RALYL: variants seen among roughly 807,000 people sequenced by gnomAD.
The protein encoded by RALYL is RALY RNA binding protein like.
RALYL carries 29 observed loss-of-function variants against 35.1 expected under a neutral mutation model. That is an observed-to-expected ratio of 0.83 (90% CI 0.61 to 1.13). The LOEUF (loss-of-function observed/expected upper bound fraction) is 1.13, where lower values mean the gene tolerates loss of function less well. Among genes scored for constraint, RALYL ranks in the 50% most tolerant of loss-of-function variants. The probability of loss-of-function intolerance (pLI) is 0.00; values close to 1 mark genes in which losing one functional copy is unlikely to be tolerated. For missense variants in RALYL, 359 were observed against 360.4 expected (o/e 1.00, Z 0.03); for synonymous variants, 120 against 127.6 (o/e 0.94, Z 0.40).
chr8:84,593,591 C>G (rs1389640881), intron 2 of RALYL, among the ~76,000 whole-genome samples: 1 of 152,034 alleles, frequency 6.6e-6, no homozygotes, highest in African/African-American at 2.4e-5. Flanking sequence ...GAGTAGAAGA[C>G]TTTATGAAGG....
At chr8:84,853,215 C>T (rs751774925) in intron 5 of RALYL, among the ~76,000 whole-genome samples, 20 of 152,142 alleles carry the variant, frequency 1.3e-4, no homozygotes, top group Non-Finnish European at 2.4e-4. Flanking sequence ...AAGATGGAGT[C>T]GCTCTGGTTT....
chr8:84,508,301 G>A (rs1314590774), intron 1 of RALYL, among the ~76,000 whole-genome samples: 1 of 152,054 alleles, frequency 6.6e-6, no homozygotes. Flanking sequence ...TAACCCTATG[G>A]CTTATACTAA....
intron 1 of RALYL, among the ~76,000 whole-genome samples, chr8:84,295,050 C>T (rs1839501073): frequency 1.3e-5 from 2 of 152,098 alleles, no homozygotes. Flanking sequence ...ATATTACCTA[C>T]AGAACCTGTT....
At chr8:84,488,130 T>C (rs1440062132) in intron 1 of RALYL, among the ~76,000 whole-genome samples, 1 of 152,096 alleles carries the variant, frequency 6.6e-6, no homozygotes, top group African/African-American at 2.4e-5. Context: ...CTCCACTTTA[T>C]AGAGACGAAT....
intron 1 of RALYL, among the ~76,000 whole-genome samples, chr8:84,514,704 GAC>G (rs775270457): frequency 3.9e-5 from 6 of 152,146 alleles, no homozygotes; most frequent in African/African-American, 7.2e-5. Flanking sequence ...ATTTTGAAGA[GAC>G]ACATATAGCA....
At chr8:84,563,338 T>C (rs2061580696) in intron 2 of RALYL, among the ~76,000 whole-genome samples, 1 of 151,680 alleles carries the variant, frequency 6.6e-6, no homozygotes, top group Admixed American at 6.6e-5. Context: ...TTAAGAGCAT[T>C]GAGAAATTAT....
At chr8:84,851,373 G>A (rs1193718792) in intron 5 of RALYL, among the ~76,000 whole-genome samples, 1 of 152,122 alleles carries the variant, frequency 6.6e-6, no homozygotes, top group East Asian at 1.9e-4. Flanking sequence ...TTTATATGTT[G>A]TAGTAACTAA....
At chr8:84,628,443 C>T (rs553550867) in intron 2 of RALYL, among the ~76,000 whole-genome samples, 2 of 152,082 alleles carry the variant, frequency 1.3e-5, no homozygotes, top group African/African-American at 2.4e-5. Flanking sequence ...TGTCTATTTC[C>T]CTTGTTAGAA....
At chr8:84,638,949 TACAC>T (rs1223666334) in intron 2 of RALYL, among the ~76,000 whole-genome samples, 1 of 81,404 alleles carries the variant, frequency 1.2e-5, no homozygotes, top group African/African-American at 4.9e-5. Flanking sequence ...CATATATATG[TACAC>T]ACACACACAC....
intron 1 of RALYL, among the ~76,000 whole-genome samples, chr8:84,437,505 C>T (rs2047867900): frequency 6.6e-6 from 1 of 152,148 alleles, no homozygotes. Flanking sequence ...TCTTTGCAGC[C>T]TCACCAGCAT....
chr8:84,537,014 A>G (rs1319130369), intron 2 of RALYL, among the ~76,000 whole-genome samples: 1 of 151,990 alleles, frequency 6.6e-6, no homozygotes, highest in East Asian at 1.9e-4. Flanking sequence ...ACCATATTTT[A>G]TGTTATACAG....
intron 1 of RALYL, among the ~76,000 whole-genome samples, chr8:84,426,385 T>C (rs1264840364): frequency 6.6e-6 from 1 of 151,216 alleles, no homozygotes; most frequent in East Asian, 2.0e-4. Context: ...CATCTCCCCA[T>C]TCCTCCTGCC....
At chr8:84,226,935 G>A (rs1250567303) in intron 1 of RALYL, among the ~76,000 whole-genome samples, 2 of 151,992 alleles carry the variant, frequency 1.3e-5, no homozygotes, top group African/African-American at 4.8e-5. Flanking sequence ...GTGAATTAAT[G>A]GAGTGGACTA....
chr8:84,198,800 A>G (rs146526518), intron 1 of RALYL, among the ~76,000 whole-genome samples: 1 of 152,256 alleles, frequency 6.6e-6, no homozygotes, highest in African/African-American at 2.4e-5. Flanking sequence ...CTCCAGTTCC[A>G]TCCATGTTGT....
intron 2 of RALYL, among the ~76,000 whole-genome samples, chr8:84,681,541 C>T (rs992100959): frequency 6.6e-5 from 10 of 152,116 alleles, no homozygotes; most frequent in Non-Finnish European, 1.2e-4. Flanking sequence ...TGTAGTTCTC[C>T]TCGAAGAGGT....
At chr8:84,553,282 C>T (rs1430533110) in intron 2 of RALYL, among the ~76,000 whole-genome samples, 1 of 152,134 alleles carries the variant, frequency 6.6e-6, no homozygotes. Flanking sequence ...CTGCCTCAGC[C>T]TCCCAAGTAA....
At chr8:84,425,599 T>C (rs1237878138) in intron 1 of RALYL, among the ~76,000 whole-genome samples, 2 of 152,302 alleles carry the variant, frequency 1.3e-5, no homozygotes, top group African/African-American at 2.4e-5. Flanking sequence ...TGAACTCTTA[T>C]ACAGCCACTT....
chr8:84,307,768 G>T (rs1788441095), intron 1 of RALYL, among the ~76,000 whole-genome samples: 1 of 152,106 alleles, frequency 6.6e-6, no homozygotes, highest in Admixed American at 6.5e-5. Flanking sequence ...AAGATGCAGG[G>T]CACAAATTGA....
chr8:84,830,593 C>A (rs1239530568), intron 4 of RALYL, among the ~76,000 whole-genome samples: 1 of 152,128 alleles, frequency 6.6e-6, no homozygotes, highest in African/African-American at 2.4e-5. Flanking sequence ...GAAATATAAT[C>A]ATTGCACAGT....
Sources: allele counts gnomAD v4.1 joint callset (sites outside exome capture counted in the v4.1 genomes callset), GRCh38; gene constraint gnomAD v4.1.1; transcripts MANE v1.5; gene names NCBI Gene and HGNC (gene_info 2026-07-23, HGNC 2026-07-21).